The following NALF1 variants were observed in gnomAD, a reference collection of about 807,000 sequenced individuals.
NALF1 encodes family with sequence similarity 155 member A.
A neutral mutation model predicts 48.4 loss-of-function variants in NALF1; 3 were observed. The ratio of observed to expected loss-of-function variants is 0.06; its 90% CI spans 0.03 to 0.16. The LOEUF (loss-of-function observed/expected upper bound fraction) is 0.16, where lower values mean the gene tolerates loss of function less well. Ranked by LOEUF, NALF1 falls within the 10% of genes least tolerant of loss-of-function variation. The pLI is 1.00. For missense variants in NALF1, 526 were observed against 571.5 expected (o/e 0.92, Z 0.81); for synonymous variants, 262 against 245.7 (o/e 1.07, Z -0.62).
At chr13:107,255,720 T>C (rs564313893) in intron 1 of NALF1, among the ~76,000 whole-genome samples, 2 of 152,352 alleles carry the variant, frequency 1.3e-5, no homozygotes, top group African/African-American at 4.8e-5. Flanking sequence ...AATGTTGTTA[T>C]TATTATTACA....
intron 1 of NALF1, among the ~76,000 whole-genome samples, chr13:107,434,373 CT>C (rs1283930216): frequency 6.8e-6 from 1 of 146,596 alleles, no homozygotes; most frequent in African/African-American, 2.5e-5. Flanking sequence ...GATCTTTTCT[CT>C]ATCTATCCAT....
intron 1 of NALF1, among the ~76,000 whole-genome samples, chr13:107,353,512 A>G (rs952017099): frequency 1.3e-5 from 2 of 152,226 alleles, no homozygotes; most frequent in Non-Finnish European, 2.9e-5. Flanking sequence ...TGTGAAAAGA[A>G]TCACCAACAA....
In NALF1 at chr13:107,556,292, TATATACAC is replaced by T. The variant is rs1443899652; in HGVS notation, c.915+309382_915+309389del. 2.7e-3 allele frequency among the ~76,000 whole-genome samples: 328 copies of T among 123,056 alleles called. 1 individual carries two copies. In the East Asian group the frequency reaches 0.031, roughly 11 times the overall value. The allele number at this position is 123,056 out of a possible 152,430, so 80.7% of individuals were successfully genotyped here. On this transcript the variant is annotated intron_variant, in intron 1 of 2. Transcript: ENST00000375915. ...CTCAACATATATATATATATATATA[TATATACAC>T]ACACACACACACACACACATATATA...
chr13:107,728,865 C>G (rs74418652), intron 1 of NALF1, among the ~76,000 whole-genome samples: 6 of 152,142 alleles, frequency 3.9e-5, no homozygotes, highest in Non-Finnish European at 7.4e-5. Flanking sequence ...AAGATAAAGG[C>G]TCATAGCCAA....
At chr13:107,612,432 G>C (rs893015016) in intron 1 of NALF1, among the ~76,000 whole-genome samples, 1 of 152,030 alleles carries the variant, frequency 6.6e-6, no homozygotes, top group Non-Finnish European at 1.5e-5. Context: ...ACGTCGGCTT[G>C]CCTGGGCCAT....
intron 1 of NALF1, among the ~76,000 whole-genome samples, chr13:107,700,704 T>C (rs2138511255): frequency 6.6e-6 from 1 of 152,000 alleles, no homozygotes; most frequent in African/African-American, 2.4e-5. Context: ...ACCTACAAAC[T>C]GGGAAAAATG....
At chr13:107,636,430 T>G (rs759426930) in intron 1 of NALF1, among the ~76,000 whole-genome samples, 10 of 152,192 alleles carry the variant, frequency 6.6e-5, no homozygotes, top group Admixed American at 1.3e-4. Context: ...TTTTAAAAGA[T>G]TGATTTGTGG....
At chr13:107,608,570 G>A (rs1594157720) in intron 1 of NALF1, among the ~76,000 whole-genome samples, 1 of 152,064 alleles carries the variant, frequency 6.6e-6, no homozygotes, top group Non-Finnish European at 1.5e-5. Flanking sequence ...AAATACATAC[G>A]AGTAGCTTCC....
chr13:107,673,637 T>C (rs1407508168), intron 1 of NALF1, among the ~76,000 whole-genome samples: 2 of 152,164 alleles, frequency 1.3e-5, no homozygotes, highest in South Asian at 2.1e-4. Flanking sequence ...AGGGTGACTA[T>C]AGCTAGCAAT....
chr13:107,593,859 A>C (rs2138419352), intron 1 of NALF1, among the ~76,000 whole-genome samples: 1 of 151,664 alleles, frequency 6.6e-6, no homozygotes, highest in African/African-American at 2.4e-5. Flanking sequence ...ATTTGTTTAG[A>C]GATTGTCTTG....
intron 1 of NALF1, among the ~76,000 whole-genome samples, chr13:107,400,708 TAAATA>T (rs71204824): frequency 1.9e-3 from 291 of 150,580 alleles, no homozygotes; most frequent in Admixed American, 3.3e-3. Context: ...TGTCTCAAAA[TAAATA>T]AAATAAAATA....
At chr13:107,734,012 T>C (rs1388055827) in intron 1 of NALF1, among the ~76,000 whole-genome samples, 1 of 152,196 alleles carries the variant, frequency 6.6e-6, no homozygotes, top group African/African-American at 2.4e-5. Flanking sequence ...GCTACTGTAC[T>C]GAATATGTTA....
At chr13:107,614,872 G>A (rs1205886514) in intron 1 of NALF1, among the ~76,000 whole-genome samples, 1 of 151,730 alleles carries the variant, frequency 6.6e-6, no homozygotes, top group African/African-American at 2.4e-5. Flanking sequence ...CCGCCTCTCG[G>A]TTCAAGTGAT....
chr13:107,467,981 G>C (rs938090684), intron 1 of NALF1, among the ~76,000 whole-genome samples: 4 of 151,296 alleles, frequency 2.6e-5, no homozygotes, highest in Admixed American at 2.6e-4. Context: ...CCGGGAGGCG[G>C]AGCTTGCAGT....
Position 107,308,525 on chromosome 13 carries a change from T to C in NALF1, c.916-97770A>G, listed in dbSNP as rs1002885045. Among the ~76,000 whole-genome samples, 6 of 152,242 alleles carry C rather than the reference T, an allele frequency of 3.9e-5. No homozygotes were observed. The South Asian group carries it at 1.2e-3, about 32-fold the overall frequency. On this transcript the variant is annotated intron_variant, in intron 1 of 2. Coordinates refer to ENST00000375915, the MANE Select transcript of NALF1 (RefSeq NM_001080396.3). ...CGGCACTTTAGTTCTTGAATGTCCA[T>C]AGCAATCATAGCCAAAATTTTAAAA...
intron 1 of NALF1, among the ~76,000 whole-genome samples, chr13:107,546,983 T>G (rs1877152100): frequency 6.6e-6 from 1 of 152,236 alleles, no homozygotes; most frequent in Admixed American, 6.5e-5. Context: ...ACCTGACTTC[T>G]CTTACCATCT....
At chr13:107,696,117 T>G (rs1239044609) in intron 1 of NALF1, among the ~76,000 whole-genome samples, 2 of 152,152 alleles carry the variant, frequency 1.3e-5, no homozygotes, top group East Asian at 3.9e-4. Context: ...AGGCTGGCCT[T>G]GAACTCTGAT....
chr13:107,626,394 C>T lies in NALF1; in HGVS notation c.915+239288G>A, dbSNP rs535036283. On this transcript the variant is annotated intron_variant, in intron 1 of 2. Coordinates refer to ENST00000375915, the MANE Select transcript of NALF1 (RefSeq NM_001080396.3). The stretch of plus-strand genomic sequence containing the variant: ...ACTAGCAATAGAACTACCATATGAT[C>T]CAGCAATTCCACTACTGGGTATATA... Among the ~76,000 whole-genome samples the T allele has an allele frequency of 3.3e-5, 5 of 152,012 alleles. No individual in the cohort carries two copies. In the South Asian group the frequency reaches 1.0e-3, roughly 32 times the overall value.
At chr13:107,680,816 GTGTA>G (rs2138495434) in intron 1 of NALF1, among the ~76,000 whole-genome samples, 1 of 151,674 alleles carries the variant, frequency 6.6e-6, no homozygotes, top group South Asian at 2.1e-4. Flanking sequence ...AGTGGTGTGA[GTGTA>G]TGAGTGTGAA....
Sources: gnomAD v4.1 joint callset for allele counts (sites outside exome capture counted in the v4.1 genomes callset) on GRCh38, gnomAD v4.1.1 for gene constraint, MANE v1.5 for transcripts, NCBI Gene and HGNC (gene_info 2026-07-23, HGNC 2026-07-21) for gene names.